The following RECK variants were observed in gnomAD, a reference collection of about 807,000 sequenced individuals.
RECK encodes the protein reversion inducing cysteine rich protein with kazal motifs.
A neutral mutation model predicts 115.1 loss-of-function variants in RECK; 69 were observed. That is an observed-to-expected ratio of 0.60 (90% CI 0.49 to 0.73). The LOEUF (loss-of-function observed/expected upper bound fraction) is 0.73, where lower values mean the gene tolerates loss of function less well. RECK is among the 30% of genes least tolerant of loss of function. RECK has a pLI of 0.00. For synonymous variants in RECK, 414 were observed against 419.7 expected, an observed-to-expected ratio of 0.99 and a Z score of 0.17; for missense variants, 1,047 against 1,203.7, an observed-to-expected ratio of 0.87 and a Z score of 1.93.
chr9:36,048,108 G>A (rs1401057211), intron 1 of RECK, among the ~76,000 whole-genome samples: 2 of 117,276 alleles, frequency 1.7e-5, no homozygotes, highest in Non-Finnish European at 3.3e-5. Flanking sequence ...GCATACACAC[G>A]CACAGACACA....
chr9:36,072,044 A>G (rs528632046), intron 6 of RECK, among the ~76,000 whole-genome samples: 8 of 152,334 alleles, frequency 5.3e-5, no homozygotes, highest in Admixed American at 4.6e-4. Context: ...GTAAATATAT[A>G]TATGTATAGT....
At chr9:36,057,820 T>TA (rs922132267) in intron 2 of RECK, among the ~76,000 whole-genome samples, 1 of 151,946 alleles carries the variant, frequency 6.6e-6, no homozygotes, top group African/African-American at 2.4e-5. Context: ...GACTCTGTCT[T>TA]AAAAAAATAA....
chr9:36,123,059 G>T lies in RECK; in HGVS notation c.*14G>T, dbSNP rs769401585. ...ACATATAACTGACTGCCCACGGAAA[G>T]TGCAGAATGCTCCTCCACCTCACTC... is the stretch of plus-strand genomic sequence containing the variant. On this transcript the variant is annotated 3_prime_UTR_variant, in exon 21 of 21. Coordinates refer to ENST00000377966, the MANE Select transcript of RECK (RefSeq NM_021111.3). The T allele has an allele frequency of 3.8e-6, 6 of 1,599,956 alleles. No homozygotes were observed. The East Asian group carries it at 1.3e-4, about 36-fold the overall frequency.
rs1004173787 is a variant in RECK, at chr9:36,124,213, G to A, written c.*1168G>A. 1.3e-5 allele frequency: 2 copies of A among 152,610 alleles called. No individual in the cohort carries two copies. Among genetic ancestry groups the A allele is most frequent in the Non-Finnish European group, 2.9e-5 (2 of 68,032 alleles). 9.5% of individuals were successfully genotyped at this position (152,610 alleles called of 1,614,324 possible). On this transcript the variant is annotated 3_prime_UTR_variant, in exon 21 of 21. Transcript: ENST00000377966. ...CTATTTGATGTAATACTTCTTGTGT[G>A]TATGCACATGAACTTAGATTTTACA...
At chr9:36,060,002 T>C (rs2132580299) in intron 3 of RECK, 117 bp from the exon 4 acceptor site, 2 of 860,594 alleles carry the variant, frequency 2.3e-6, no homozygotes, top group Non-Finnish European at 3.8e-6. Flanking sequence ...TTCTAGAACA[T>C]TGACTGTGTA....
Position 36,105,292 on chromosome 9 carries a change from T to C in RECK, c.1576+9T>C. On this transcript the variant is annotated intron_variant, in intron 13 of 20. Coordinates refer to ENST00000377966, the MANE Select transcript of RECK (RefSeq NM_021111.3). The stretch of plus-strand genomic sequence containing the variant: ...ATACTTTTGTGTTCAAGGTAAGAGG[T>C]AGGTGGGTGTGAGAAGAGGATGGAT... 1 of 1,613,814 alleles carries C rather than the reference T, an allele frequency of 6.2e-7. No individual in the cohort carries two copies. Among genetic ancestry groups the C allele is most frequent in the Non-Finnish European group, 8.5e-7 (1 of 1,179,802 alleles).
At chr9:36,065,720 A>G (rs1821968989) in intron 6 of RECK, 96 bp downstream of exon 6, 2 of 1,009,626 alleles carry the variant, frequency 2.0e-6, no homozygotes, top group East Asian at 6.5e-5. Context: ...ATTTTTATAC[A>G]ACTTCCCTTT....
chr9:36,049,653 A>G (rs1278420908), intron 1 of RECK, among the ~76,000 whole-genome samples: 3 of 152,230 alleles, frequency 2.0e-5, no homozygotes, highest in East Asian at 3.9e-4. Context: ...CATAACAAAG[A>G]CACTCCTATT....
At chr9:36,109,264 G>A (rs1005383557) in intron 14 of RECK, among the ~76,000 whole-genome samples, 8 of 152,206 alleles carry the variant, frequency 5.3e-5, no homozygotes, top group African/African-American at 1.9e-4. Context: ...TATGTGTTAA[G>A]ATAAGAGAAT....
intron 5 of RECK, among the ~76,000 whole-genome samples, chr9:36,065,138 A>C (rs1291200418): frequency 6.7e-6 from 1 of 150,194 alleles, no homozygotes; most frequent in Non-Finnish European, 1.5e-5. Flanking sequence ...TCAGAATGAA[A>C]GTTTAGAATG....
At chr9:36,037,266 G>T (rs1169192923) in intron 1 of RECK, among the ~76,000 whole-genome samples, 168 bp downstream of exon 1, 1 of 151,696 alleles carries the variant, frequency 6.6e-6, no homozygotes, top group Non-Finnish European at 1.5e-5. Flanking sequence ...TGCCGAGGCG[G>T]GGCGAGTGAG....
At chr9:36,043,462 T>C (rs1820962796) in intron 1 of RECK, among the ~76,000 whole-genome samples, 1 of 152,164 alleles carries the variant, frequency 6.6e-6, no homozygotes, top group South Asian at 2.1e-4. Context: ...TCTCCCACTC[T>C]GTGGGTTATC....
chr9:36,082,674 T>C (rs963330785), intron 7 of RECK, among the ~76,000 whole-genome samples: 13 of 152,250 alleles, frequency 8.5e-5, no homozygotes, highest in African/African-American at 2.4e-4. Flanking sequence ...TTATTTCAAA[T>C]GAGTTTTCTT....
In RECK at chr9:36,047,734, TCAG is replaced by T. The variant is rs1821120334; in HGVS notation, c.101-4530_101-4528del. On this transcript the variant is annotated intron_variant, in intron 1 of 20. Coordinates refer to ENST00000377966, the MANE Select transcript of RECK (RefSeq NM_021111.3). ...ATGTAGTGAAATTTTTATGTGTCCT[TCAG>T]AATTTTGTAAACCAAATGTTTAGAA... Among the ~76,000 whole-genome samples, 6 of 151,670 alleles carry T rather than the reference TCAG, an allele frequency of 4.0e-5. No homozygotes were observed. In the South Asian group the frequency reaches 1.3e-3, roughly 32 times the overall value.
rs974764637 is a variant in RECK, at chr9:36,083,631, G to A, written c.637+69G>A. Reference sequence around the variant, plus strand: ...AATCGTTTGTAAAAAGAAGTGATACGTTCTTGTAGATATCTGCAGTCTGGG... The same window carrying A: ...AATCGTTTGTAAAAAGAAGTGATACATTCTTGTAGATATCTGCAGTCTGGG... On this transcript the variant is annotated intron_variant, in intron 8 of 20. Transcript: ENST00000377966. The A allele has an allele frequency of 3.5e-5, 51 of 1,476,612 alleles. No individual in the cohort carries two copies. In the South Asian group the frequency reaches 5.6e-4, roughly 16 times the overall value. 91.5% of individuals were successfully genotyped at this position (1,476,612 alleles called of 1,614,324 possible).
intron 12 of RECK, among the ~76,000 whole-genome samples, chr9:36,104,786 G>A (rs1051421912): frequency 2.0e-5 from 3 of 152,168 alleles, no homozygotes; most frequent in African/African-American, 7.2e-5. Flanking sequence ...TGGGATTACA[G>A]GCGTAAGCCA....
chr9:36,051,403 A>T (rs188182937), intron 1 of RECK, among the ~76,000 whole-genome samples: 1 of 151,946 alleles, frequency 6.6e-6, no homozygotes, highest in Non-Finnish European at 1.5e-5. Context: ...ACTTCTTATG[A>T]CTCTATTTTT....
intron 8 of RECK, among the ~76,000 whole-genome samples, chr9:36,087,104 T>C (rs1222480937): frequency 6.6e-6 from 1 of 151,886 alleles, no homozygotes; most frequent in Non-Finnish European, 1.5e-5. Context: ...TACTGACATA[T>C]AACTAAGAGT....
chr9:36,051,290 G>A (rs775382684), intron 1 of RECK, among the ~76,000 whole-genome samples: 43 of 152,112 alleles, frequency 2.8e-4, no homozygotes, highest in Non-Finnish European at 5.0e-4. Context: ...TTTTCTGTCT[G>A]TAAAGAAGGT....
Sources: allele counts gnomAD v4.1 joint callset (sites outside exome capture counted in the v4.1 genomes callset), GRCh38; gene constraint gnomAD v4.1.1; transcripts MANE v1.5; gene names NCBI Gene and HGNC (gene_info 2026-07-23, HGNC 2026-07-21).